DOCK8: variants seen among roughly 807,000 people sequenced by gnomAD.
The protein encoded by DOCK8 is dedicator of cytokinesis 8, also known as dedicator of cytokinesis protein 8.
A neutral mutation model predicts 245.6 loss-of-function variants in DOCK8; 141 were observed. That is an observed-to-expected ratio of 0.57 (90% CI 0.50 to 0.66). The LOEUF (loss-of-function observed/expected upper bound fraction) is 0.66, where lower values mean the gene tolerates loss of function less well. Among genes scored for constraint, DOCK8 ranks in the 30% least tolerant of loss-of-function variants. The probability of loss-of-function intolerance (pLI) is 0.00; values close to 1 mark genes in which losing one functional copy is unlikely to be tolerated. For missense variants in DOCK8, 2,965 were observed against 2,603.4 expected, an observed-to-expected ratio of 1.14 and a Z score of -3.02; for synonymous variants, 1,168 against 970.2, an observed-to-expected ratio of 1.20 and a Z score of -3.79.
intron 7 of DOCK8, among the ~76,000 whole-genome samples, chr9:322,515 TC>T (rs35172156): frequency 0.19 from 28,752 of 151,536 alleles, 3,049 homozygotes; most frequent in Non-Finnish European, 0.22. Context: ...AGTTCCTTAT[TC>T]CCTGGGAACC....
At chr9:249,897 G>A (rs915894243) in intron 1 of DOCK8, among the ~76,000 whole-genome samples, 3 of 152,022 alleles carry the variant, frequency 2.0e-5, no homozygotes, top group African/African-American at 7.3e-5. Context: ...CAAAGTGCTG[G>A]GATTACAGGC....
At chr9:312,236 G>T (rs766317775) in intron 6 of DOCK8, 70 bp downstream of exon 6, 13 of 1,553,510 alleles carry the variant, frequency 8.4e-6, no homozygotes, top group Middle Eastern at 1.7e-4. Flanking sequence ...CAATTGTGTT[G>T]TTCATTATTA....
intron 1 of DOCK8, among the ~76,000 whole-genome samples, chr9:235,485 T>G (rs967775288): frequency 7.9e-5 from 12 of 152,344 alleles, no homozygotes; most frequent in African/African-American, 2.9e-4. Context: ...GTCTGTGCCC[T>G]GCCCCCAGAA....
intron 43 of DOCK8, 52 bp from the exon 44 acceptor site, chr9:446,318 T>C (rs1481689467): frequency 1.3e-6 from 2 of 1,484,686 alleles, no homozygotes; most frequent in Non-Finnish European, 1.9e-6. Context: ...GCGTCAGGGA[T>C]GGCCGTTTGC....
chr9:298,551 C>T (rs985610118), intron 4 of DOCK8, among the ~76,000 whole-genome samples: 1 of 151,940 alleles, frequency 6.6e-6, no homozygotes, highest in African/African-American at 2.4e-5. Context: ...TCATGCTTTA[C>T]CCTGTGAAGA....
At chr9:302,410 T>A (rs1195935473) in intron 4 of DOCK8, among the ~76,000 whole-genome samples, 1 of 152,142 alleles carries the variant, frequency 6.6e-6, no homozygotes, top group Non-Finnish European at 1.5e-5. Context: ...AGAAAAAAAC[T>A]GGGAAATACT....
chr9:432,132 T>C (rs1321309560), intron 36 of DOCK8, 34 bp from the exon 37 acceptor site: 3 of 1,572,828 alleles, frequency 1.9e-6, no homozygotes, highest in Non-Finnish European at 2.6e-6. Context: ...GTGTCTTATT[T>C]ACTTCATCTT....
rs151208894 is a variant in DOCK8, at chr9:446,384, C to G, written c.5595C>G (p.Ile1865Met). The change falls in exon 44 of 48, where the codon ATC becomes ATG. Residue 1865 changes from isoleucine (I) to methionine (M), a missense_variant. Physicochemically the swap from Ile to Met is conservative, Grantham distance 10 (BLOSUM62 1). Transcript: ENST00000432829. ...KLDPNKAYIQ[I>M]TFVEPYFDEY... Reference sequence around the variant, plus strand: ...TTCCCCCTTAGGCCTACATACAGATCACTTTTGTGGAGCCCTACTTTGATG... The same window carrying G: ...TTCCCCCTTAGGCCTACATACAGATGACTTTTGTGGAGCCCTACTTTGATG... 254 of 1,614,050 alleles carry G rather than the reference C, an allele frequency of 1.6e-4. No individual in the cohort carries two copies. The highest frequency in any genetic ancestry group is 1.9e-4 in the Non-Finnish European group (228 of 1,180,022).
intron 1 of DOCK8, among the ~76,000 whole-genome samples, chr9:232,449 T>C (rs1252537866): frequency 6.6e-6 from 1 of 152,222 alleles, no homozygotes; most frequent in Admixed American, 6.5e-5. Context: ...TTCTATTGAT[T>C]GGAATAATTT....
intron 10 of DOCK8, among the ~76,000 whole-genome samples, 196 bp downstream of exon 10, chr9:332,674 T>C (rs1449398954): frequency 1.1e-5 from 1 of 92,846 alleles, no homozygotes; most frequent in African/African-American, 3.6e-5. Context: ...TTTTTTTTTT[T>C]TGAGGCAGTG....
Position 286,546 on chromosome 9 carries a change from A to G in DOCK8, c.242A>G (p.Gln81Arg), listed in dbSNP as rs1586600892. The G allele has an allele frequency of 1.2e-6, 2 of 1,614,014 alleles. No individual in the cohort carries two copies. Among genetic ancestry groups the G allele is most frequent in the Admixed American group, 1.7e-5 (1 of 60,002 alleles). Residue 81 changes from glutamine to arginine, a missense_variant, in exon 3 of 48, where the codon CAG (glutamine) becomes CGG (arginine). Coordinates refer to ENST00000432829, the MANE Select transcript of DOCK8 (RefSeq NM_203447.4). ...AACAGCCTGGATGTGCAGCTTGCCCAGGAGCTCGGGGACTTCACTGATGAC... is the reference window on the plus strand; with the variant it reads ...AACAGCCTGGATGTGCAGCTTGCCCGGGAGCTCGGGGACTTCACTGATGAC... ...HLNSLDVQLA[Q>R]ELGDFTDDDL... is the part of the protein sequence containing the mutation.
At chr9:291,370 T>C (rs911244617) in intron 4 of DOCK8, among the ~76,000 whole-genome samples, 10 of 152,216 alleles carry the variant, frequency 6.6e-5, no homozygotes, top group East Asian at 1.9e-4. Context: ...TCAGTTTCAC[T>C]CTAGACAGAT....
At position 463,650 on chromosome 9, in the gene DOCK8, C is replaced by G. The variant is rs762367917; in HGVS notation, c.6202C>G (p.Leu2068Val). The change falls in exon 47 of 48, where the codon CTG (leucine) becomes GTG (valine). Residue 2068 changes from leucine (L) to valine (V), a missense_variant. Physicochemically the swap from Leu to Val is conservative, Grantham distance 32. Around this residue, in one of 3 missense-constraint regions of DOCK8, gnomAD observed 134 missense variants for 128.1 expected, o/e 1.05. Coordinates refer to ENST00000432829, the MANE Select transcript of DOCK8 (RefSeq NM_203447.4). Reference sequence around the variant, plus strand: ...AATGATCGAGCGGAAAATTCCAGAACTGTACAAGCCAATATTCAGAGTTGA... The same window carrying G: ...AATGATCGAGCGGAAAATTCCAGAAGTGTACAAGCCAATATTCAGAGTTGA... ...RPMIERKIPE[L>V]YKPIFRVESQ... 13 of 1,613,754 alleles carry G rather than the reference C, an allele frequency of 8.1e-6. No homozygotes were observed. Among genetic ancestry groups the G allele is most frequent in the Non-Finnish European group, 1.1e-5 (13 of 1,180,028 alleles).
chr9:237,368 G>T (rs2047277036), intron 1 of DOCK8, among the ~76,000 whole-genome samples: 1 of 152,212 alleles, frequency 6.6e-6, no homozygotes, highest in South Asian at 2.1e-4. Context: ...AATTGCAATT[G>T]CAAGGGCTGG....
rs977436028 is a variant in DOCK8 at position 425,505 on chromosome 9, C to G, written c.4242-1380C>G. Among the ~76,000 whole-genome samples, 16 of 147,152 alleles carry G rather than the reference C, an allele frequency of 1.1e-4. No individual in the cohort carries two copies. In the South Asian group the frequency reaches 1.3e-3, roughly 12 times the overall value. The stretch of plus-strand genomic sequence containing the variant: ...CAAGATTGCGCCACTGCACTCTGCA[C>G]TCCAGCCTGGGCGACAGAGGGAGAC... On this transcript the variant is annotated intron_variant, in intron 33 of 47. Transcript: ENST00000432829.
At chr9:414,299 A>G (rs899318980) in intron 28 of DOCK8, among the ~76,000 whole-genome samples, 6 of 152,242 alleles carry the variant, frequency 3.9e-5, no homozygotes, top group Non-Finnish European at 8.8e-5. Flanking sequence ...TTATCAGTTG[A>G]TGAATGGATA....
intron 28 of DOCK8, among the ~76,000 whole-genome samples, chr9:412,013 C>CATAA (rs1472324730): frequency 1.3e-5 from 2 of 152,090 alleles, no homozygotes; most frequent in Non-Finnish European, 2.9e-5. Flanking sequence ...GTGCTTTATC[C>CATAA]CTAAGATTAG....
intron 14 of DOCK8, among the ~76,000 whole-genome samples, chr9:342,356 A>G (rs1039210852): frequency 1.9e-5 from 2 of 105,916 alleles, no homozygotes; most frequent in African/African-American, 3.6e-5. Flanking sequence ...TTTTCTTTCT[A>G]CTTACCCAGA....
intron 14 of DOCK8, among the ~76,000 whole-genome samples, chr9:344,421 G>A (rs934341010): frequency 2.0e-5 from 3 of 152,014 alleles, no homozygotes; most frequent in Non-Finnish European, 2.9e-5. Flanking sequence ...TGATTAGATT[G>A]GGCTTGACAG....
Sources: gnomAD v4.1 joint callset for allele counts (sites outside exome capture counted in the v4.1 genomes callset) on GRCh38, gnomAD v4.1.1 for gene constraint, gnomAD v4.1.1 regional missense constraint, MANE v1.5 for transcripts, NCBI Gene and HGNC (gene_info 2026-07-23, HGNC 2026-07-21) for gene names.